Variants in RBFOX2 observed in about 807,000 individuals in gnomAD.
RBFOX2 encodes RNA binding fox-1 homolog 2, also known as RNA binding protein fox-1 homolog 2.
Under a neutral mutation model 49.1 loss-of-function variants are expected in RBFOX2, and 10 were observed. The observed-to-expected ratio is 0.20, with a 90% CI of 0.13 to 0.35. RBFOX2 has a LOEUF of 0.35. Among genes scored for constraint, RBFOX2 ranks in the 10% least tolerant of loss-of-function variants. The probability of loss-of-function intolerance (pLI) is 1.00; values close to 1 mark genes in which losing one functional copy is unlikely to be tolerated. For synonymous variants in RBFOX2, 183 were observed against 187.4 expected (o/e 0.98, Z 0.19); for missense variants, 323 against 486.9 (o/e 0.66, Z 3.17).
At chr22:35,989,474 A>G (rs1396122327) in intron 1 of RBFOX2, among the ~76,000 whole-genome samples, 11 of 152,208 alleles carry the variant, frequency 7.2e-5, no homozygotes, top group Admixed American at 2.0e-4. Context: ...GATTTTGGAG[A>G]AAAGAGTTTC....
chr22:36,007,944 C>T (rs924530277), intron 1 of RBFOX2, among the ~76,000 whole-genome samples: 1 of 152,030 alleles, frequency 6.6e-6, no homozygotes, highest in African/African-American at 2.4e-5. Flanking sequence ...TGTCAACGAG[C>T]ATTTTTGTTT....
chr22:35,888,724 A>G (rs1373685402), intron 1 of RBFOX2, among the ~76,000 whole-genome samples: 1 of 152,192 alleles, frequency 6.6e-6, no homozygotes, highest in Admixed American at 6.5e-5. Flanking sequence ...AACCCTTGCT[A>G]AAGTCACCAA....
At chr22:35,798,919 G>A (rs1392030684) in intron 2 of RBFOX2, among the ~76,000 whole-genome samples, 2 of 151,968 alleles carry the variant, frequency 1.3e-5, no homozygotes, top group East Asian at 1.9e-4. Flanking sequence ...TACATTATAC[G>A]GAAGAATGTT....
At chr22:35,812,383 C>T (rs916289759) in intron 1 of RBFOX2, among the ~76,000 whole-genome samples, 5 of 151,936 alleles carry the variant, frequency 3.3e-5, no homozygotes, top group Non-Finnish European at 1.5e-5. Flanking sequence ...AACTTCTTTA[C>T]GTTATTTCTA....
intron 1 of RBFOX2, among the ~76,000 whole-genome samples, chr22:36,025,662 C>T (rs2059404637): frequency 6.6e-6 from 1 of 152,130 alleles, no homozygotes; most frequent in Non-Finnish European, 1.5e-5. Flanking sequence ...AAAAACTTTT[C>T]GCCCATTTGT....
At chr22:36,028,344 G>T in exon 1 of RBFOX2, 1 of 1,467,490 alleles carries the variant, frequency 6.8e-7, no homozygotes, top group Non-Finnish European at 9.0e-7. Context: ...GGCAGCTCCA[G>T]CTCCGACTCC....
chr22:35,921,858 A>G (rs2051065167), intron 1 of RBFOX2, among the ~76,000 whole-genome samples: 2 of 152,190 alleles, frequency 1.3e-5, no homozygotes, highest in African/African-American at 4.8e-5. Context: ...AGAGGGGCAG[A>G]TTCTGTTGTG....
rs536205162 is a variant in RBFOX2 at position 36,026,907 on chromosome 22, T to C, written c.186+1333A>G. Among the ~76,000 whole-genome samples, 82 of 152,134 alleles carry C rather than the reference T, an allele frequency of 5.4e-4. 1 individual carries two copies. Among genetic ancestry groups the C allele is most frequent in the Non-Finnish European group, 8.4e-4 (57 of 68,012 alleles). On this transcript the variant is annotated intron_variant, in intron 1 of 13. Coordinates refer to the RBFOX2 transcript ENST00000438146. ...CTAACACAGGAAGTCAGGCAGAGGC[T>C]TGAAAAGCAGGGAGCAGAGCACAGG...
chr22:35,986,473 A>C (rs141950644), intron 1 of RBFOX2, among the ~76,000 whole-genome samples: 5 of 152,286 alleles, frequency 3.3e-5, no homozygotes, highest in Non-Finnish European at 7.4e-5. Flanking sequence ...AGAAGGAAGA[A>C]ATGAAAAACG....
chr22:35,905,926 A>G (rs1405742814), intron 1 of RBFOX2, among the ~76,000 whole-genome samples: 2 of 152,180 alleles, frequency 1.3e-5, no homozygotes, highest in African/African-American at 4.8e-5. Context: ...AATATTTGCC[A>G]TTGTGTTACA....
chr22:35,750,695 C>T (rs1934574597), intron 9 of RBFOX2, among the ~76,000 whole-genome samples: 1 of 152,240 alleles, frequency 6.6e-6, no homozygotes, highest in Admixed American at 6.5e-5. Flanking sequence ...CTTCATCGCT[C>T]CCCTATTCAA....
At chr22:35,768,387 C>A in intron 4 of RBFOX2, 38 bp from the exon 6 acceptor site, 1 of 1,529,232 alleles carries the variant, frequency 6.5e-7, no homozygotes, top group Non-Finnish European at 9.1e-7. Context: ...ACATGCACAT[C>A]GTTATATTGA....
intron 1 of RBFOX2, chr22:35,821,868 T>C: frequency 3.9e-6 from 2 of 518,882 alleles, no homozygotes; most frequent in South Asian, 2.8e-5. Context: ...GAGTTAACTG[T>C]TTGTATGGCA....
At chr22:35,887,425 T>A (rs2046717791) in intron 1 of RBFOX2, among the ~76,000 whole-genome samples, 1 of 152,102 alleles carries the variant, frequency 6.6e-6, no homozygotes, top group African/African-American at 2.4e-5. Context: ...CTCTACACAC[T>A]CACCTCTCTT....
chr22:35,900,142 C>T (rs1054791113), intron 1 of RBFOX2, among the ~76,000 whole-genome samples: 1 of 152,144 alleles, frequency 6.6e-6, no homozygotes, highest in African/African-American at 2.4e-5. Context: ...GAGATGGAGT[C>T]TCACTCTGTG....
intron 10 of RBFOX2, among the ~76,000 whole-genome samples, chr22:35,746,266 C>T (rs1032331377): frequency 2.0e-5 from 3 of 152,084 alleles, no homozygotes; most frequent in Admixed American, 1.3e-4. Context: ...GAGATGAGAA[C>T]AAGAAAGAGG....
intron 1 of RBFOX2, among the ~76,000 whole-genome samples, chr22:35,971,113 T>C (rs1366576089): frequency 6.6e-6 from 1 of 152,134 alleles, no homozygotes; most frequent in Non-Finnish European, 1.5e-5. Context: ...GTGCCTGATA[T>C]ACTGCAGTAG....
chr22:36,004,075 A>G (rs191171573), intron 1 of RBFOX2, among the ~76,000 whole-genome samples: 51 of 152,248 alleles, frequency 3.3e-4, no homozygotes, highest in African/African-American at 1.2e-3. Flanking sequence ...GACGTTGCCA[A>G]TGTCAACTGA....
intron 1 of RBFOX2, among the ~76,000 whole-genome samples, chr22:35,922,954 G>A (rs1204318792): frequency 6.6e-6 from 1 of 152,132 alleles, no homozygotes; most frequent in Non-Finnish European, 1.5e-5. Context: ...TGAACCTTCA[G>A]TCAGGTATGA....
Sources: gnomAD v4.1 joint callset for allele counts (sites outside exome capture counted in the v4.1 genomes callset) on GRCh38, gnomAD v4.1.1 for gene constraint, MANE v1.5 for transcripts, NCBI Gene and HGNC (gene_info 2026-07-23, HGNC 2026-07-21) for gene names.